TERT: variants seen among roughly 807,000 people sequenced by gnomAD.
TERT encodes the protein telomerase reverse transcriptase.
Under a neutral mutation model 104.0 loss-of-function variants are expected in TERT, and 42 were observed. That is an observed-to-expected ratio of 0.40 (90% CI 0.32 to 0.52). TERT has a LOEUF of 0.52. Among genes scored for constraint, TERT ranks in the 20% least tolerant of loss-of-function variants. TERT has a pLI of 0.43. For synonymous variants in TERT, 781 were observed against 725.6 expected, an observed-to-expected ratio of 1.08 and a Z score of -1.23; for missense variants, 1,101 against 1,610.3, an observed-to-expected ratio of 0.68 and a Z score of 5.41.
Position 1,263,523 on chromosome 5 carries a change from C to G in TERT, c.2843+881G>C, listed in dbSNP as rs1308409005. Among the ~76,000 whole-genome samples, 4 of 152,270 alleles carry G rather than the reference C, an allele frequency of 2.6e-5. No individual in the cohort carries two copies. The highest frequency in any genetic ancestry group is 1.9e-4 in the East Asian group (1 of 5,168). On this transcript the variant is annotated intron_variant, in intron 11 of 15. Coordinates refer to ENST00000310581, the MANE Select transcript of TERT (RefSeq NM_198253.3). This position sits in a 1 kb window ranked among gnomAD's most constrained non-coding sequence, Gnocchi z 5.3. The stretch of plus-strand genomic sequence containing the variant: ...GGTTCAAATGATTCTCCTGCCTCAG[C>G]CTCCCGCATAGCGGGGACTACAGGC...
At chr5:1,279,937 C>A (rs949777347) in intron 4 of TERT, among the ~76,000 whole-genome samples, 2 of 152,204 alleles carry the variant, frequency 1.3e-5, no homozygotes, top group African/African-American at 2.4e-5. Context: ...GTCCTCAGAG[C>A]CTGTCCCTGC....
rs35963133 is a variant in TERT at position 1,274,531 on chromosome 5, C to T, written c.2287-2251G>A. ...TGGTTTTGGGAGCAAACGGTTCCACCTCAGATCATCAGGCATTAGATTCCC... is the reference window on the plus strand; with the variant it reads ...TGGTTTTGGGAGCAAACGGTTCCACTTCAGATCATCAGGCATTAGATTCCC... On this transcript the variant is annotated intron_variant, in intron 6 of 15. Transcript: ENST00000310581. This position sits in a 1 kb window ranked among gnomAD's most constrained non-coding sequence, Gnocchi z 5.3. Among the ~76,000 whole-genome samples, 691 of 152,286 alleles carry T rather than the reference C, an allele frequency of 4.5e-3. 5 individuals are homozygous for T. Among genetic ancestry groups the T allele is most frequent in the African/African-American group, 0.016 (661 of 41,560 alleles).
chr5:1,263,366 A>T lies in TERT; in HGVS notation c.2843+1038T>A, dbSNP rs1224261090. Reference sequence around the variant, plus strand: ...AGTAAATATTATCGAAGGACAGAATAAAAAAACACCTGTCCACTATGGTTT... The same window carrying T: ...AGTAAATATTATCGAAGGACAGAATTAAAAAACACCTGTCCACTATGGTTT... On this transcript the variant is annotated intron_variant, in intron 11 of 15. Coordinates refer to ENST00000310581, the MANE Select transcript of TERT (RefSeq NM_198253.3). The surrounding 1 kb of genome is among the most constrained non-coding windows in gnomAD (Gnocchi z 5.3). 6.6e-6 allele frequency among the ~76,000 whole-genome samples: 1 copy of T among 152,156 alleles called. No homozygotes were observed. Among genetic ancestry groups the T allele is most frequent in the Non-Finnish European group, 1.5e-5 (1 of 68,018 alleles).
rs1312841090 is a variant in TERT at position 1,293,992 on chromosome 5, G to A, written c.894C>T (p.Ser298=). 1 of 1,575,004 alleles carries A rather than the reference G, an allele frequency of 6.3e-7. No individual in the cohort carries two copies. The highest frequency in any genetic ancestry group is 8.6e-7 in the Non-Finnish European group (1 of 1,163,594). Residue 298 remains serine, a synonymous_variant, in exon 2 of 16, where the codon TCC becomes TCT. Coordinates refer to ENST00000310581, the MANE Select transcript of TERT (RefSeq NM_198253.3). The part of the protein sequence containing the change: ...ALSGTRHSHP[S]VGRQHHAGPP... ...GGCCCGCGTGGTGCTGGCGGCCCAC[G>A]GATGGGTGGGAGTGGCGCGTGCCAG...
rs2126692755 is a variant in TERT, at chr5:1,294,946, C to A, written c.44G>T (p.Arg15Leu). ...PRCRAVRSLL[R>L]SHYREVLPLA... ...CGGCAGCACCTCGCGGTAGTGGCTG[C>A]GCAGCAGGGAGCGCACGGCTCGGCA... Residue 15 changes from arginine to leucine, a missense_variant, in exon 1 of 16, where the codon CGC becomes CTC. Coordinates refer to ENST00000310581, the MANE Select transcript of TERT (RefSeq NM_198253.3). 1 of 1,400,602 alleles carries A rather than the reference C, an allele frequency of 7.1e-7. No homozygotes were observed. The highest frequency in any genetic ancestry group is 1.6e-5 in the South Asian group (1 of 62,964). The allele number at this position is 1,400,602 out of a possible 1,614,324, so 86.8% of individuals were successfully genotyped here. A position where few individuals can be genotyped will look rare whatever the true frequency, so the allele number is the denominator to read the frequency against.
rs916146858 is a variant in TERT at position 1,268,140 on chromosome 5, C to A, written c.2582+380G>T. On this transcript the variant is annotated intron_variant, in intron 9 of 15. Coordinates refer to ENST00000310581, the MANE Select transcript of TERT (RefSeq NM_198253.3). The surrounding 1 kb of genome is among the most constrained non-coding windows in gnomAD (Gnocchi z 5.5). The stretch of plus-strand genomic sequence containing the variant: ...CCCAGTCCAGGCCACCTGTCGAGGG[C>A]CTGCTGGGAGATGTGGGGCCTCAGG... Among the ~76,000 whole-genome samples, 1 of 152,226 alleles carries A rather than the reference C, an allele frequency of 6.6e-6. No individual in the cohort carries two copies. The highest frequency in any genetic ancestry group is 2.4e-5 in the African/African-American group (1 of 41,456).
rs1748316950 is a variant in TERT, at chr5:1,262,656, C to T, written c.2843+1748G>A. ...GAATATTCTGGCATTGGACCCACAT[C>T]TGATGACCTGATGCCCACCCATCCT... is the stretch of plus-strand genomic sequence containing the variant. On this transcript the variant is annotated intron_variant, in intron 11 of 15. Coordinates refer to ENST00000310581, the MANE Select transcript of TERT (RefSeq NM_198253.3). The surrounding 1 kb of genome is among the most constrained non-coding windows in gnomAD (Gnocchi z 5.6). Among the ~76,000 whole-genome samples, 1 of 152,214 alleles carries T rather than the reference C, an allele frequency of 6.6e-6. No individual in the cohort carries two copies. The highest frequency in any genetic ancestry group is 1.5e-5 in the Non-Finnish European group (1 of 68,034).
At chr5:1,260,124 C>G (rs1748117501) in intron 12 of TERT, among the ~76,000 whole-genome samples, 1 of 152,182 alleles carries the variant, frequency 6.6e-6, no homozygotes, top group South Asian at 2.1e-4. Context: ...GCGGGGTGAA[C>G]ACGAGGACCC....
At chr5:1,284,109 GA>G (rs1232206190) in intron 2 of TERT, among the ~76,000 whole-genome samples, 1 of 134,890 alleles carries the variant, frequency 7.4e-6, no homozygotes, top group Admixed American at 7.5e-5. Flanking sequence ...GCATCATCCG[GA>G]CTCCATACCT....
At position 1,255,290 on chromosome 5, in the gene TERT, C is replaced by T. The variant is rs968981940; in HGVS notation, c.3154G>A (p.Ala1052Thr). 5.6e-6 allele frequency: 9 copies of T among 1,613,720 alleles called. No homozygotes were observed. The highest frequency in any genetic ancestry group is 1.7e-4 in the Middle Eastern group (1 of 6,032). Reference protein sequence around the residue: ...LCYSILKAKNAGMSLGAKGAA... With the variant: ...LCYSILKAKNTGMSLGAKGAA... ...GAGGCCAGGCACCTGCACATACCTG[C>T]GTTCTTGGCTTTCAGGATGGAGTAG... Residue 1052 changes from alanine to threonine, a missense_variant, in exon 14 of 16, where the codon GCA (alanine) becomes ACA (threonine). Coordinates refer to ENST00000310581, the MANE Select transcript of TERT (RefSeq NM_198253.3). This position sits in a 1 kb window ranked among gnomAD's most constrained non-coding sequence, Gnocchi z 6.9.
At chr5:1,280,075 G>C (rs147103794) in intron 4 of TERT, 83 bp downstream of exon 4, 2 of 1,564,204 alleles carry the variant, frequency 1.3e-6, no homozygotes, top group Non-Finnish European at 1.8e-6. Flanking sequence ...CCCCTCCTCC[G>C]GGCCCTTCAT....
At chr5:1,266,650 C>G in intron 9 of TERT, 115 bp from the exon 10 acceptor site, 1 of 928,848 alleles carries the variant, frequency 1.1e-6, no homozygotes, top group Non-Finnish European at 1.7e-6. Flanking sequence ...TAACATTCTC[C>G]AAAGCGGTTA....
At position 1,293,805 on chromosome 5, in the gene TERT, C is replaced by T; in HGVS notation, c.1081G>A (p.Val361Met). Reference sequence around the variant, plus strand: ...CTGGAACCCAGAAAGATGGTCTCCACGAGCCTCCGAGCGCCAGTCAGGCTG... The same window carrying T: ...CTGGAACCCAGAAAGATGGTCTCCATGAGCCTCCGAGCGCCAGTCAGGCTG... ...RPSLTGARRL[V>M]ETIFLGSRPW... The change falls in exon 2 of 16, where the codon GTG becomes ATG. Residue 361 changes from valine (V) to methionine (M), a missense_variant. Val to Met is a conservative substitution (Grantham distance 21, BLOSUM62 1). This residue lies in a region of TERT where 504 missense variants were observed against 544.6 expected (regional missense o/e 0.93). Transcript: ENST00000310581. The T allele has an allele frequency of 6.4e-7, 1 of 1,550,638 alleles. No individual in the cohort carries two copies. Among genetic ancestry groups the T allele is most frequent in the Non-Finnish European group, 8.7e-7 (1 of 1,147,326 alleles).
intron 2 of TERT, among the ~76,000 whole-genome samples, chr5:1,291,539 C>G (rs575553716): frequency 1.7e-4 from 19 of 113,532 alleles, no homozygotes; most frequent in African/African-American, 6.0e-4. Flanking sequence ...TCACCCTACA[C>G]GTGACAGGGA....
rs142042585 is a variant in TERT, at chr5:1,271,049, G to T, written c.2468+70C>A. The stretch of plus-strand genomic sequence containing the variant: ...AGGGCAGTGGGGAAGGGGCAGGAGA[G>T]AGGTGAGCAGAAGCCCTGCCAGCCC... On this transcript the variant is annotated intron_variant, in intron 8 of 15. Coordinates refer to ENST00000310581, the MANE Select transcript of TERT (RefSeq NM_198253.3). 142 of 1,241,552 alleles carry T rather than the reference G, an allele frequency of 1.1e-4. 1 individual carries two copies. In the African/African-American group the frequency reaches 1.9e-3, roughly 16 times the overall value. The allele number at this position is 1,241,552 out of a possible 1,614,324, so 76.9% of individuals were successfully genotyped here.
chr5:1,278,441 C>CCA lies in TERT; in HGVS notation c.2286+198_2286+199dup, dbSNP rs112536335. On this transcript the variant is annotated intron_variant, in intron 6 of 15. Transcript: ENST00000310581. ...CACACACACCATGGACACACACGTG[C>CCA]CACACACACACACACCACAAATATG... is the stretch of plus-strand genomic sequence containing the variant. Among the ~76,000 whole-genome samples, 33,704 of 151,444 alleles carry CCA rather than the reference C, an allele frequency of 0.22. 3,728 individuals are homozygous for CCA. The highest frequency in any genetic ancestry group is 0.25 in the Middle Eastern group (74 of 294).
In TERT at chr5:1,282,644, C is replaced by A. The variant is rs1288029076; in HGVS notation, c.1574-20G>T. ...CAACCCCTTAAACGAGAAGGACATGCCACATCCAGATCACCGAGGGCCTGG... is the reference window on the plus strand; with the variant it reads ...CAACCCCTTAAACGAGAAGGACATGACACATCCAGATCACCGAGGGCCTGG... On this transcript the variant is annotated intron_variant, in intron 2 of 15. Transcript: ENST00000310581. 2.5e-6 allele frequency: 4 copies of A among 1,612,836 alleles called. No homozygotes were observed. Among genetic ancestry groups the A allele is most frequent in the Non-Finnish European group, 3.4e-6 (4 of 1,179,776 alleles).
At chr5:1,280,084 A>G in intron 4 of TERT, 74 bp downstream of exon 4, 1 of 1,587,894 alleles carries the variant, frequency 6.3e-7, no homozygotes. Context: ...CGGGCCCTTC[A>G]TCTAAGCTGA....
chr5:1,285,565 A>ATTTTTTTTTTTTTTTTTT (rs1170336173), intron 2 of TERT, among the ~76,000 whole-genome samples: 1 of 82,184 alleles, frequency 1.2e-5, no homozygotes, highest in African/African-American at 4.9e-5. Flanking sequence ...GGCTACTAGA[A>ATTTTTTTTTTTTTTTTTT]TTTTTTTTTT....
Sources: allele counts gnomAD v4.1 joint callset (sites outside exome capture counted in the v4.1 genomes callset), GRCh38; gene constraint gnomAD v4.1.1; regional missense constraint gnomAD v4.1.1; non-coding constraint Gnocchi (gnomAD v3.1); transcripts MANE v1.5; gene names NCBI Gene and HGNC (gene_info 2026-07-23, HGNC 2026-07-21).